GPC5: variants seen among roughly 807,000 people sequenced by gnomAD.
GPC5 encodes glypican-5.
In GPC5, 47 loss-of-function variants were observed where a neutral mutation model predicts 53.9. That is an observed-to-expected ratio of 0.87 (90% CI 0.69 to 1.11). The LOEUF (loss-of-function observed/expected upper bound fraction) is 1.11, where lower values mean the gene tolerates loss of function less well. Among genes scored for constraint, GPC5 ranks in the 50% most tolerant of loss-of-function variants. GPC5 has a pLI of 0.00. For missense variants in GPC5, 748 were observed against 713.1 expected (o/e 1.05, Z -0.56); for synonymous variants, 286 against 263.3 (o/e 1.09, Z -0.84).
chr13:92,009,284 G>GTGTGTGTGTT (rs1349449581), intron 6 of GPC5, among the ~76,000 whole-genome samples: 10 of 150,706 alleles, frequency 6.6e-5, no homozygotes, highest in African/African-American at 1.2e-4. Context: ...GTGTGTGTGT[G>GTGTGTGTGTT]TTTCAATATG....
Position 91,693,815 on chromosome 13 carries a change from C to T in GPC5, c.954C>T (p.Asn318=), listed in dbSNP as rs1186026116. 6.2e-7 allele frequency: 1 copy of T among 1,613,068 alleles called. No individual in the cohort carries two copies. The highest frequency in any genetic ancestry group is 1.1e-5 in the South Asian group (1 of 91,070). Residue 318 remains asparagine (N), a synonymous_variant, in exon 3 of 8, where the codon AAC becomes AAT. Coordinates refer to ENST00000377067, the MANE Select transcript of GPC5 (RefSeq NM_004466.6). The part of the protein sequence containing the change: ...GTYDIGHVLL[N]FHLLVNDAVL... The stretch of plus-strand genomic sequence containing the variant: ...ACGACATTGGACACGTGCTGCTGAA[C>T]TTTCACTTGCTTGTTAATGATGCTG...
intron 5 of GPC5, among the ~76,000 whole-genome samples, chr13:91,818,540 G>A (rs1410656695): frequency 2.0e-5 from 3 of 152,038 alleles, no homozygotes; most frequent in Non-Finnish European, 4.4e-5. Context: ...CACAGTTTTA[G>A]TATTCAATGG....
intron 5 of GPC5, among the ~76,000 whole-genome samples, chr13:91,818,367 T>G (rs2038432712): frequency 6.6e-6 from 1 of 152,170 alleles, no homozygotes; most frequent in Non-Finnish European, 1.5e-5. Flanking sequence ...CACCCAACTT[T>G]TTATCTCATT....
At chr13:92,576,761 A>G (rs1883201562) in intron 7 of GPC5, among the ~76,000 whole-genome samples, 1 of 152,178 alleles carries the variant, frequency 6.6e-6, no homozygotes, top group African/African-American at 2.4e-5. Flanking sequence ...AACTTCTCAG[A>G]CAGTTCCAGC....
At chr13:91,555,211 G>C (rs1312540979) in intron 2 of GPC5, among the ~76,000 whole-genome samples, 1 of 152,026 alleles carries the variant, frequency 6.6e-6, no homozygotes, top group African/African-American at 2.4e-5. Flanking sequence ...ATACAGCCAA[G>C]TGTAGGAAAA....
intron 7 of GPC5, among the ~76,000 whole-genome samples, chr13:92,487,840 T>TAAAA (rs66972682): frequency 2.0e-5 from 2 of 99,566 alleles, no homozygotes; most frequent in African/African-American, 5.0e-5. Context: ...ATAAATATAG[T>TAAAA]AAAAAAAAAA....
intron 7 of GPC5, among the ~76,000 whole-genome samples, chr13:92,774,521 G>A (rs1292794604): frequency 6.6e-6 from 1 of 152,122 alleles, no homozygotes; most frequent in African/African-American, 2.4e-5. Context: ...ACTTGCCTAT[G>A]AACTCCTCTC....
intron 5 of GPC5, among the ~76,000 whole-genome samples, chr13:91,850,168 C>T (rs745964035): frequency 6.6e-6 from 1 of 152,104 alleles, no homozygotes; most frequent in Non-Finnish European, 1.5e-5. Context: ...CAATGCTTAA[C>T]CTTTGATAAC....
At chr13:92,630,307 TAATAA>T (rs1314414453) in intron 7 of GPC5, among the ~76,000 whole-genome samples, 2 of 152,220 alleles carry the variant, frequency 1.3e-5, no homozygotes, top group African/African-American at 4.8e-5. Flanking sequence ...ATTGGCAATA[TAATAA>T]AATATTAAAA....
intron 5 of GPC5, among the ~76,000 whole-genome samples, chr13:91,773,709 A>G (rs553826329): frequency 1.3e-5 from 2 of 152,216 alleles, no homozygotes; most frequent in Non-Finnish European, 2.9e-5. Context: ...AGCTATTTGT[A>G]GAACGTAAAA....
intron 6 of GPC5, among the ~76,000 whole-genome samples, chr13:92,039,650 G>T (rs775691020): frequency 3.9e-5 from 6 of 152,178 alleles, no homozygotes; most frequent in Non-Finnish European, 8.8e-5. Flanking sequence ...TCATATTTCT[G>T]GAGGGTAAAT....
chr13:92,638,776 C>A (rs1012214709), intron 7 of GPC5, among the ~76,000 whole-genome samples: 1 of 152,160 alleles, frequency 6.6e-6, no homozygotes, highest in African/African-American at 2.4e-5. Flanking sequence ...GGGCAGAGTA[C>A]TCGTCAACTC....
chr13:92,571,672 T>C (rs1390866776), intron 7 of GPC5, among the ~76,000 whole-genome samples: 1 of 151,980 alleles, frequency 6.6e-6, no homozygotes, highest in Non-Finnish European at 1.5e-5. Flanking sequence ...ACTAGATTAA[T>C]CCAATAAAAT....
intron 6 of GPC5, among the ~76,000 whole-genome samples, chr13:91,955,466 G>C (rs1235182436): frequency 6.6e-6 from 1 of 152,178 alleles, no homozygotes; most frequent in Non-Finnish European, 1.5e-5. Context: ...GAAAATGCTG[G>C]AATAAAACAG....
At chr13:91,931,535 G>C (rs1452567443) in intron 6 of GPC5, among the ~76,000 whole-genome samples, 1 of 151,958 alleles carries the variant, frequency 6.6e-6, no homozygotes, top group East Asian at 1.9e-4. Context: ...GAGCCCTGTA[G>C]AAATCCCACT....
intron 6 of GPC5, among the ~76,000 whole-genome samples, chr13:92,102,792 T>C (rs1274354676): frequency 1.3e-5 from 2 of 152,186 alleles, no homozygotes; most frequent in East Asian, 3.9e-4. Context: ...CCTCAGCACT[T>C]TCTCTTTCTT....
chr13:91,548,052 G>T (rs1009141403), intron 2 of GPC5, among the ~76,000 whole-genome samples: 16 of 152,088 alleles, frequency 1.1e-4, no homozygotes, highest in African/African-American at 3.9e-4. Flanking sequence ...AGCAAGATCA[G>T]GAGCAAAGCA....
chr13:92,500,179 T>G (rs1210058914), intron 7 of GPC5, among the ~76,000 whole-genome samples: 2 of 152,116 alleles, frequency 1.3e-5, no homozygotes, highest in Non-Finnish European at 2.9e-5. Flanking sequence ...AATGGTTTGT[T>G]GGAAGCTGTA....
chr13:92,364,988 G>T (rs1169087211), intron 7 of GPC5, among the ~76,000 whole-genome samples: 2 of 151,752 alleles, frequency 1.3e-5, no homozygotes, highest in East Asian at 3.9e-4. Flanking sequence ...CTTTTCCTCT[G>T]TCATAGGGAG....
Sources: gnomAD v4.1 joint callset for allele counts (sites outside exome capture counted in the v4.1 genomes callset) on GRCh38, gnomAD v4.1.1 for gene constraint, MANE v1.5 for transcripts, NCBI Gene and HGNC (gene_info 2026-07-23, HGNC 2026-07-21) for gene names.